KCNC2: variants seen among roughly 807,000 people sequenced by gnomAD.
The protein encoded by KCNC2 is voltage-gated potassium channel KCNC2.
In KCNC2, 21 loss-of-function variants were observed where a neutral mutation model predicts 44.5. The ratio of observed to expected loss-of-function variants is 0.47; its 90% CI spans 0.33 to 0.68. The LOEUF (loss-of-function observed/expected upper bound fraction) is 0.68. KCNC2 is among the 30% of genes least tolerant of loss of function. The pLI is 0.01. For synonymous variants in KCNC2, 391 were observed against 339.1 expected (o/e 1.15, Z -1.68); for missense variants, 589 against 826.2 (o/e 0.71, Z 3.52).
chr12:75,131,878 G>T (rs1888870952), intron 2 of KCNC2, among the ~76,000 whole-genome samples: 1 of 152,114 alleles, frequency 6.6e-6, no homozygotes, highest in South Asian at 2.1e-4. Context: ...AAACCTTCAG[G>T]AAGGAATACC....
At chr12:75,077,807 C>A (rs1385031812) in intron 2 of KCNC2, among the ~76,000 whole-genome samples, 1 of 152,080 alleles carries the variant, frequency 6.6e-6, no homozygotes, top group African/African-American at 2.4e-5. Flanking sequence ...CAAATGAGTT[C>A]ATTCTCACTT....
chr12:75,050,018 T>G (rs562323092), intron 3 of KCNC2, among the ~76,000 whole-genome samples: 2 of 152,006 alleles, frequency 1.3e-5, no homozygotes, highest in South Asian at 4.1e-4. Context: ...CCAAACGATA[T>G]GGAGATCAAC....
intron 2 of KCNC2, among the ~76,000 whole-genome samples, chr12:75,197,927 CAAT>C (rs1033733536): frequency 1.3e-5 from 2 of 151,562 alleles, no homozygotes; most frequent in African/African-American, 4.8e-5. Flanking sequence ...TGAATTGAAT[CAAT>C]GATGAAAAAA....
chr12:75,064,068 A>C (rs971637457), intron 2 of KCNC2, among the ~76,000 whole-genome samples: 1 of 152,254 alleles, frequency 6.6e-6, no homozygotes, highest in Admixed American at 6.5e-5. Context: ...TACAATGAAA[A>C]GATGCTGATT....
intron 2 of KCNC2, among the ~76,000 whole-genome samples, chr12:75,067,234 TAAAC>T (rs1278897944): frequency 1.3e-5 from 2 of 151,968 alleles, no homozygotes; most frequent in South Asian, 2.1e-4. Context: ...GAAAAACAAA[TAAAC>T]AAAAAAAGCC....
At chr12:75,115,825 C>T (rs1314175117) in intron 2 of KCNC2, among the ~76,000 whole-genome samples, 1 of 152,022 alleles carries the variant, frequency 6.6e-6, no homozygotes, top group Non-Finnish European at 1.5e-5. Context: ...AATGAGAGCT[C>T]TGGACACCCT....
intron 2 of KCNC2, among the ~76,000 whole-genome samples, chr12:75,144,111 C>A (rs538119266): frequency 6.6e-6 from 1 of 152,044 alleles, no homozygotes; most frequent in Non-Finnish European, 1.5e-5. Context: ...AGCAGAATAC[C>A]AGTTTTATTG....
chr12:75,168,943 A>C (rs571403240), intron 2 of KCNC2, among the ~76,000 whole-genome samples: 5 of 151,690 alleles, frequency 3.3e-5, no homozygotes, highest in African/African-American at 1.2e-4. Flanking sequence ...TCACAAGTAC[A>C]ATCCAAATGA....
At position 75,040,896 on chromosome 12, in the gene KCNC2, G is replaced by A. The variant is rs199574101; in HGVS notation, c.*2209C>T. ...CTTCAGAGATGTTGATCATGAATTTGGCTTCTTTTGATGAGAAATGGCCAA... is the reference window on the plus strand; with the variant it reads ...CTTCAGAGATGTTGATCATGAATTTAGCTTCTTTTGATGAGAAATGGCCAA... On this transcript the variant is annotated 3_prime_UTR_variant, in exon 5 of 5. Transcript: ENST00000549446. 5 of 534,978 alleles carry A rather than the reference G, an allele frequency of 9.3e-6. No homozygotes were observed. Among genetic ancestry groups the A allele is most frequent in the Non-Finnish European group, 1.3e-5 (4 of 297,748 alleles). The allele number at this position is 534,978 out of a possible 1,614,324, so 33.1% of individuals were successfully genotyped here.
intron 2 of KCNC2, among the ~76,000 whole-genome samples, chr12:75,206,146 T>C (rs1013652395): frequency 6.6e-6 from 1 of 152,190 alleles, no homozygotes; most frequent in African/African-American, 2.4e-5. Context: ...ATGCAGACAC[T>C]TCTGACATAC....
chr12:75,061,636 T>C (rs1480233761), intron 2 of KCNC2, among the ~76,000 whole-genome samples: 1 of 150,512 alleles, frequency 6.6e-6, no homozygotes, highest in East Asian at 2.0e-4. Context: ...TACTGCATCA[T>C]GAGGGTGGAA....
intron 2 of KCNC2, among the ~76,000 whole-genome samples, chr12:75,133,320 G>C (rs1046482174): frequency 6.6e-6 from 1 of 151,718 alleles, no homozygotes; most frequent in African/African-American, 2.4e-5. Flanking sequence ...AAATATTTGA[G>C]GTTATGGATT....
At chr12:75,092,450 A>G (rs117549553) in intron 2 of KCNC2, among the ~76,000 whole-genome samples, 1 of 151,696 alleles carries the variant, frequency 6.6e-6, no homozygotes, top group Admixed American at 6.6e-5. Flanking sequence ...TTGTAAAAAT[A>G]GCTTAATCAG....
chr12:75,191,572 C>T (rs2030267435), intron 2 of KCNC2, among the ~76,000 whole-genome samples: 1 of 91,496 alleles, frequency 1.1e-5, no homozygotes, highest in Non-Finnish European at 2.0e-5. Flanking sequence ...GAGACGGAGT[C>T]TCGCTCTGTC....
chr12:75,156,599 A>T (rs1890777129), intron 2 of KCNC2, among the ~76,000 whole-genome samples: 1 of 151,800 alleles, frequency 6.6e-6, no homozygotes, highest in Non-Finnish European at 1.5e-5. Context: ...AATTTCTTTC[A>T]ACCTCGGTGT....
intron 2 of KCNC2, among the ~76,000 whole-genome samples, chr12:75,097,260 C>G (rs1487461330): frequency 1.3e-5 from 2 of 151,970 alleles, no homozygotes; most frequent in Non-Finnish European, 2.9e-5. Context: ...AAGGGAGTGA[C>G]AAATAGGTGG....
At position 75,149,721 on chromosome 12, in the gene KCNC2, C is replaced by A. The variant is rs139271492; in HGVS notation, c.687+57576G>T. ...AGTAACACTGAAAGGATCTTAATTA[C>A]CTGCTTTGAAAAAAAAAAGTCTAGT... On this transcript the variant is annotated intron_variant, in intron 2 of 4. Coordinates refer to ENST00000549446, the MANE Select transcript of KCNC2 (RefSeq NM_139137.4). Among the ~76,000 whole-genome samples the A allele has an allele frequency of 8.0e-4, 120 of 150,582 alleles. No individual in the cohort carries two copies. In the East Asian group the frequency reaches 0.02, roughly 25 times the overall value.
At chr12:75,167,123 C>G (rs1380693738) in intron 2 of KCNC2, among the ~76,000 whole-genome samples, 1 of 151,094 alleles carries the variant, frequency 6.6e-6, no homozygotes, top group Admixed American at 6.6e-5. Flanking sequence ...CTCAAACAAA[C>G]AAAAAGAATT....
chr12:75,200,227 T>C lies in KCNC2; in HGVS notation c.687+7070A>G, dbSNP rs568794760. On this transcript the variant is annotated intron_variant, in intron 2 of 4. Coordinates refer to ENST00000549446, the MANE Select transcript of KCNC2 (RefSeq NM_139137.4). ...ACAGTATAAACTAAGCAATCAAAAT[T>C]GAACAGAATGAACACTTAATCAGAA... is the stretch of plus-strand genomic sequence containing the variant. Among the ~76,000 whole-genome samples, 5 of 151,900 alleles carry C rather than the reference T, an allele frequency of 3.3e-5. 1 individual carries two copies. In the South Asian group the frequency reaches 1.0e-3, roughly 31 times the overall value.
Sources: allele counts gnomAD v4.1 joint callset (sites outside exome capture counted in the v4.1 genomes callset), GRCh38; gene constraint gnomAD v4.1.1; transcripts MANE v1.5; gene names NCBI Gene and HGNC (gene_info 2026-07-23, HGNC 2026-07-21).